The following PHACTR2 variants were observed in gnomAD, a reference collection of about 807,000 sequenced individuals.
The protein encoded by PHACTR2 is phosphatase and actin regulator 2, also known as chromosome 6 open reading frame 56.
In PHACTR2, 30 loss-of-function variants were observed where a neutral mutation model predicts 76.0. The ratio of observed to expected loss-of-function variants is 0.39; its 90% confidence interval spans 0.30 to 0.54. The LOEUF (loss-of-function observed/expected upper bound fraction) is 0.54. Among genes scored for constraint, PHACTR2 ranks in the 20% least tolerant of loss-of-function variants. The pLI, the probability that PHACTR2 is intolerant of heterozygous loss-of-function variation, is 0.61. For missense variants in PHACTR2, 696 were observed against 781.1 expected (o/e 0.89, Z 1.30); for synonymous variants, 292 against 292.5 (o/e 1.00, Z 0.02).
Position 143,765,527 on chromosome 6 carries a change from C to T in PHACTR2, c.961C>T (p.Pro321Ser), listed in dbSNP as rs753660165. 6.2e-7 allele frequency: 1 copy of T among 1,614,188 alleles called. No homozygotes were observed. The highest frequency in any genetic ancestry group is 8.5e-7 in the Non-Finnish European group (1 of 1,180,036). ...VESFKLEQTV[P>S]GAEEQNTGKF... ...GAGTTTCAAACTCGAACAGACTGTC[C>T]CTGGAGCTGAGGAGCAGAACACAGG... The change falls in exon 6 of 13, where the codon CCT becomes TCT. Residue 321 changes from proline to serine, a missense_variant. Physicochemically the swap from Pro to Ser is moderately conservative, Grantham distance 74 (BLOSUM62 -1). Coordinates refer to ENST00000440869, the MANE Select transcript of PHACTR2 (RefSeq NM_001100164.2). This position sits in a 1 kb window ranked among gnomAD's most constrained non-coding sequence, Gnocchi z 4.1.
chr6:143,815,999 A>T (rs568257913), intron 12 of PHACTR2, among the ~76,000 whole-genome samples: 99 of 152,306 alleles, frequency 6.5e-4, no homozygotes, highest in Non-Finnish European at 1.3e-3. Flanking sequence ...GAATTCCATA[A>T]CTTAAAAATA....
rs1313009958 is a variant in PHACTR2, at chr6:143,803,100, G to A, written c.1846-3957G>A. 6.6e-6 allele frequency among the ~76,000 whole-genome samples: 1 copy of A among 152,272 alleles called. No homozygotes were observed. Among genetic ancestry groups the A allele is most frequent in the East Asian group, 1.9e-4 (1 of 5,186 alleles). ...CATATTAATGGAAAGACTGTAGGAT[G>A]TGAGGTTAAAAGGCTTGTGTATGAG... On this transcript the variant is annotated intron_variant, in intron 11 of 12. Transcript: ENST00000440869. This position sits in a 1 kb window ranked among gnomAD's most constrained non-coding sequence, Gnocchi z 4.7.
upstream of PHACTR2, among the ~76,000 whole-genome samples, chr6:143,607,875 G>C (rs1775904075): frequency 6.6e-6 from 1 of 152,176 alleles, no homozygotes; most frequent in Non-Finnish European, 1.5e-5. Context: ...ATAATGTATT[G>C]TATTTTTAAA....
rs71024870 is a variant in PHACTR2 at position 143,686,481 on chromosome 6, C to CTTTTTTTTT, written c.46+8288_46+8296dup. ...ACACATAGAGGAGAGGAACTTCATT[C>CTTTTTTTTT]TTTTTTTTTTTTTTTTTTTTTTTTG... On this transcript the variant is annotated intron_variant, in intron 1 of 12. Transcript: ENST00000440869. Among the ~76,000 whole-genome samples the CTTTTTTTTT allele has an allele frequency of 2.5e-4, 21 of 83,984 alleles. 1 individual carries two copies. The highest frequency in any genetic ancestry group is 5.2e-4 in the South Asian group (1 of 1,910). 55.1% of individuals were successfully genotyped at this position (83,984 alleles called of 152,430 possible).
At chr6:143,713,132 C>T (rs7738738) in intron 2 of PHACTR2, among the ~76,000 whole-genome samples, 22,180 of 152,060 alleles carry the variant, frequency 0.15, 1,815 homozygotes, top group African/African-American at 0.22. Context: ...AGATAAGAAC[C>T]AGAGTTTTGT....
At chr6:143,711,877 A>G (rs1369916852) in intron 1 of PHACTR2, 139 bp from the exon 2 acceptor site, 1 of 809,110 alleles carries the variant, frequency 1.2e-6, no homozygotes, top group Non-Finnish European at 2.2e-6. Context: ...CCAGCTGTGA[A>G]ATGGGACAAA....
Position 143,639,437 on chromosome 6 carries a change from A to T in PHACTR2, c.13+31115A>T, listed in dbSNP as rs1000591288. Among the ~76,000 whole-genome samples the T allele has an allele frequency of 6.6e-6, 1 of 152,226 alleles. No individual in the cohort carries two copies. The highest frequency in any genetic ancestry group is 1.5e-5 in the Non-Finnish European group (1 of 68,044). ...TATTCAGAGCCATTTTATAAGTGAC[A>T]CAAGCAAAATAATTCTTATTTTTAA... On this transcript the variant is annotated intron_variant, in intron 1 of 11. Transcript: ENST00000305766. The surrounding 1 kb of genome is among the most constrained non-coding windows in gnomAD (Gnocchi z 5.0).
intron 2 of PHACTR2, among the ~76,000 whole-genome samples, chr6:143,720,506 A>C (rs980295948): frequency 6.6e-6 from 1 of 152,206 alleles, no homozygotes; most frequent in East Asian, 1.9e-4. Flanking sequence ...AATAGCATGC[A>C]CTTTCAGTAA....
At chr6:143,644,399 C>T (rs189893008) in intron 1 of PHACTR2, among the ~76,000 whole-genome samples, 20 of 140,496 alleles carry the variant, frequency 1.4e-4, no homozygotes, top group Admixed American at 1.1e-3. Context: ...ACCCGGGAGG[C>T]GGAGCTTGCA....
chr6:143,814,354 TAATA>T (rs1220884528), intron 12 of PHACTR2, among the ~76,000 whole-genome samples: 1 of 152,032 alleles, frequency 6.6e-6, no homozygotes, highest in Admixed American at 6.6e-5. Context: ...ATAGTAATAA[TAATA>T]AATCATAAGG....
intron 1 of PHACTR2, among the ~76,000 whole-genome samples, chr6:143,706,932 C>T (rs1778067312): frequency 1.3e-5 from 2 of 152,276 alleles, no homozygotes; most frequent in South Asian, 2.1e-4. Flanking sequence ...TGTTGTACAT[C>T]CGCCCTTGTT....
At chr6:143,729,215 G>A (rs1354553177) in intron 2 of PHACTR2, among the ~76,000 whole-genome samples, 1 of 151,908 alleles carries the variant, frequency 6.6e-6, no homozygotes, top group African/African-American at 2.4e-5. Context: ...ATTGAATTTT[G>A]AGATTTCTTT....
Position 143,707,313 on chromosome 6 carries a change from T to G in PHACTR2, c.47-4703T>G, listed in dbSNP as rs187028734. The stretch of plus-strand genomic sequence containing the variant: ...CCACACATGATTTCTCCTAGTTATT[T>G]TTGCTATGATTGGGCTTCAAAAATG... On this transcript the variant is annotated intron_variant, in intron 1 of 12. Coordinates refer to ENST00000440869, the MANE Select transcript of PHACTR2 (RefSeq NM_001100164.2). Among the ~76,000 whole-genome samples, 3 of 152,336 alleles carry G rather than the reference T, an allele frequency of 2.0e-5. No individual in the cohort carries two copies. In the East Asian group the frequency reaches 5.8e-4, roughly 29 times the overall value.
Position 143,742,260 on chromosome 6 carries a change from C to A in PHACTR2, c.215-6725C>A, listed in dbSNP as rs1438369396. Reference sequence around the variant, plus strand: ...AGAAAACCTTCAGGCGTGGTTGGATCCAGGTGCTTACAAGCTATCTCATTA... The same window carrying A: ...AGAAAACCTTCAGGCGTGGTTGGATACAGGTGCTTACAAGCTATCTCATTA... On this transcript the variant is annotated intron_variant, in intron 2 of 12. Transcript: ENST00000440869. The surrounding 1 kb of genome is among the most constrained non-coding windows in gnomAD (Gnocchi z 4.5). Among the ~76,000 whole-genome samples the A allele has an allele frequency of 6.6e-6, 1 of 152,150 alleles. No homozygotes were observed. The highest frequency in any genetic ancestry group is 1.5e-5 in the Non-Finnish European group (1 of 68,022).
rs907563176 is a variant in PHACTR2 at position 143,757,281 on chromosome 6, C to T, written c.455-3120C>T. Among the ~76,000 whole-genome samples the T allele has an allele frequency of 3.3e-5, 5 of 152,104 alleles. No homozygotes were observed. The highest frequency in any genetic ancestry group is 1.2e-4 in the African/African-American group (5 of 41,416). ...CTTAAGAGCATGACCTGTGAGGAGA[C>T]CAGAATGCAAACGGGCAATTGTAGT... On this transcript the variant is annotated intron_variant, in intron 4 of 12. Coordinates refer to ENST00000440869, the MANE Select transcript of PHACTR2 (RefSeq NM_001100164.2). This position sits in a 1 kb window ranked among gnomAD's most constrained non-coding sequence, Gnocchi z 4.2.
chr6:143,615,690 A>G (rs1776048035), intron 1 of PHACTR2, among the ~76,000 whole-genome samples: 1 of 152,180 alleles, frequency 6.6e-6, no homozygotes, highest in Non-Finnish European at 1.5e-5. Flanking sequence ...AAAATTATGG[A>G]AAGAGCCTTT....
chr6:143,753,562 C>A lies in PHACTR2; in HGVS notation c.296-192C>A, dbSNP rs1484611396. ...TGAAATGGCGCATAGATATTCCCTCCATAGCAGCTTTTCCCCAAGACAGAG... is the reference window on the plus strand; with the variant it reads ...TGAAATGGCGCATAGATATTCCCTCAATAGCAGCTTTTCCCCAAGACAGAG... On this transcript the variant is annotated intron_variant, in intron 3 of 12. Transcript: ENST00000440869. The surrounding 1 kb of genome is among the most constrained non-coding windows in gnomAD (Gnocchi z 4.6). Among the ~76,000 whole-genome samples the A allele has an allele frequency of 6.6e-6, 1 of 152,144 alleles. No homozygotes were observed. The highest frequency in any genetic ancestry group is 1.5e-5 in the Non-Finnish European group (1 of 68,026).
At chr6:143,706,074 T>C (rs1031297515) in intron 1 of PHACTR2, among the ~76,000 whole-genome samples, 8 of 152,260 alleles carry the variant, frequency 5.3e-5, no homozygotes, top group African/African-American at 1.9e-4. Flanking sequence ...TTTTACTTTG[T>C]TGCTGAGATT....
rs1366989913 is a variant in PHACTR2, at chr6:143,599,321, T to C, written c.217+62114T>C. On this transcript the variant is annotated intron_variant, in intron 1 of 11. Transcript: ENST00000367584. This position sits in a 1 kb window ranked among gnomAD's most constrained non-coding sequence, Gnocchi z 4.6. ...GCTATTTAAGGAGATCAGGCAGAAA[T>C]TGATTCATGAGAGAAAAAAGTAACA... Among the ~76,000 whole-genome samples the C allele has an allele frequency of 2.0e-5, 3 of 152,194 alleles. No individual in the cohort carries two copies. The highest frequency in any genetic ancestry group is 2.9e-5 in the Non-Finnish European group (2 of 68,026).
Sources: gnomAD v4.1 joint callset for allele counts (sites outside exome capture counted in the v4.1 genomes callset) on GRCh38, gnomAD v4.1.1 for gene constraint, Gnocchi (gnomAD v3.1) non-coding constraint, MANE v1.5 for transcripts, NCBI Gene and HGNC (gene_info 2026-07-23, HGNC 2026-07-21) for gene names.